NTN4: variants seen among roughly 807,000 people sequenced by gnomAD.
NTN4 encodes the protein netrin 4.
Under a neutral mutation model 73.6 loss-of-function variants are expected in NTN4, and 32 were observed. That is an observed-to-expected ratio of 0.44 (90% CI 0.33 to 0.58). The LOEUF (loss-of-function observed/expected upper bound fraction) is 0.58, where lower values mean the gene tolerates loss of function less well. Ranked by LOEUF, NTN4 falls within the 20% of genes least tolerant of loss-of-function variation. The pLI is 0.04. For synonymous variants in NTN4, 258 were observed against 287.5 expected (o/e 0.90, Z 1.04); for missense variants, 654 against 798.3 (o/e 0.82, Z 2.18).
chr12:95,689,346 A>C (rs539391838), intron 5 of NTN4, among the ~76,000 whole-genome samples: 2 of 152,326 alleles, frequency 1.3e-5, no homozygotes, highest in South Asian at 4.1e-4. Flanking sequence ...CTACTTTTCC[A>C]GTCCTTCCTC....
chr12:95,681,074 A>G (rs1394238328), intron 7 of NTN4, among the ~76,000 whole-genome samples: 2 of 151,794 alleles, frequency 1.3e-5, no homozygotes, highest in East Asian at 3.9e-4. Flanking sequence ...CTGTAATCAC[A>G]GCTATTTGGG....
intron 7 of NTN4, chr12:95,673,238 C>G (rs2078247928): frequency 2.5e-6 from 1 of 398,260 alleles, no homozygotes; most frequent in Non-Finnish European, 4.8e-6. Context: ...TTGTCTCCTG[C>G]ACCCACTCCC....
rs557973212 is a variant in NTN4 at position 95,682,057 on chromosome 12, C to CTTTTTTTTTTTTTTTTTTTTTTTTTTT, written c.1510+649_1510+650insAAAAAAAAAAAAAAAAAAAAAAAAAAA. Among the ~76,000 whole-genome samples the CTTTTTTTTTTTTTTTTTTTTTTTTTTT allele has an allele frequency of 3.1e-5, 2 of 64,546 alleles. 1 individual carries two copies. The highest frequency in any genetic ancestry group is 1.4e-4 in the African/African-American group (2 of 14,640). 42.3% of individuals were successfully genotyped at this position (64,546 alleles called of 152,430 possible). A position where few individuals can be genotyped will look rare whatever the true frequency, so the allele number is the denominator to read the frequency against. On this transcript the variant is annotated intron_variant, in intron 7 of 9. Coordinates refer to ENST00000343702, the MANE Select transcript of NTN4 (RefSeq NM_021229.4). ...TTCCAAACCTAATATATTCAGTAGG[C>CTTTTTTTTTTTTTTTTTTTTTTTTTTT]TTTTTTTTTTTTTTTTTTTTTTTGA...
intron 2 of NTN4, among the ~76,000 whole-genome samples, chr12:95,774,015 C>T (rs2079074726): frequency 6.6e-6 from 1 of 152,092 alleles, no homozygotes; most frequent in South Asian, 2.1e-4. Context: ...ACACTAAGTG[C>T]AAAGAGCCTT....
chr12:95,789,468 A>G lies in NTN4; in HGVS notation c.55+787T>C, dbSNP rs2079192113. 6.6e-6 allele frequency among the ~76,000 whole-genome samples: 1 copy of G among 152,060 alleles called. No individual in the cohort carries two copies. Among genetic ancestry groups the G allele is most frequent in the Admixed American group, 6.6e-5 (1 of 15,260 alleles). On this transcript the variant is annotated intron_variant, in intron 1 of 9. Transcript: ENST00000343702. This position sits in a 1 kb window ranked among gnomAD's most constrained non-coding sequence, Gnocchi z 4.0. Reference sequence around the variant, plus strand: ...GTGACCCGCAAGAGGGAGGGAGAGGAGCAGAAGGGGCTCCCGAATACAGAA... The same window carrying G: ...GTGACCCGCAAGAGGGAGGGAGAGGGGCAGAAGGGGCTCCCGAATACAGAA...
rs376001848 is a variant in NTN4, at chr12:95,713,028, A to G, written c.991+184T>C. Among the ~76,000 whole-genome samples, 632 of 152,170 alleles carry G rather than the reference A, an allele frequency of 4.2e-3. 3 individuals carry two copies. The highest frequency in any genetic ancestry group is 0.015 in the African/African-American group (611 of 41,500). ...TCTTGGCAAAACAGTCACATTGGCA[A>G]TGTAATGAACGGCAACTGTTTTCAG... On this transcript the variant is annotated intron_variant, in intron 4 of 9. Transcript: ENST00000343702.
chr12:95,747,182 AAAAAG>A (rs150763523), intron 2 of NTN4, among the ~76,000 whole-genome samples: 52,255 of 151,782 alleles, frequency 0.34, 9,181 homozygotes, highest in African/African-American at 0.39. Flanking sequence ...GAAAAATTTG[AAAAAG>A]AAAATATAAG....
chr12:95,737,765 G>A, intron 3 of NTN4, 101 bp downstream of exon 3: 1 of 1,179,326 alleles, frequency 8.5e-7, no homozygotes, highest in Non-Finnish European at 1.2e-6. Context: ...ATGGGCAGAG[G>A]AAAAAATCAG....
intron 3 of NTN4, among the ~76,000 whole-genome samples, chr12:95,729,831 A>G (rs4128893): frequency 0.37 from 56,641 of 152,052 alleles, 12,487 homozygotes; most frequent in Non-Finnish European, 0.5. Context: ...ATGAAATACC[A>G]TGGAGACACG....
intron 2 of NTN4, among the ~76,000 whole-genome samples, chr12:95,759,683 A>T (rs555816264): frequency 8.5e-4 from 130 of 152,120 alleles, no homozygotes; most frequent in African/African-American, 2.9e-3. Context: ...GCTGGTCTGG[A>T]ACTCCTGACC....
At chr12:95,738,256 A>G in intron 2 of NTN4, 112 bp from the exon 3 acceptor site, 1 of 1,043,572 alleles carries the variant, frequency 9.6e-7, no homozygotes, top group Non-Finnish European at 1.4e-6. Flanking sequence ...GTGAACGATA[A>G]GATAACAAGA....
At chr12:95,722,600 G>A (rs568807723) in intron 3 of NTN4, among the ~76,000 whole-genome samples, 1 of 152,244 alleles carries the variant, frequency 6.6e-6, no homozygotes, top group East Asian at 1.9e-4. Flanking sequence ...AATCCAGCCT[G>A]GGCCAGAGCC....
At chr12:95,660,452 A>T (rs1014667316) in intron 9 of NTN4, among the ~76,000 whole-genome samples, 12 of 148,442 alleles carry the variant, frequency 8.1e-5, no homozygotes, top group East Asian at 7.8e-4. Context: ...GTCATACATT[A>T]AAAAAAAAAC....
At chr12:95,708,551 C>T (rs954517305) in intron 5 of NTN4, among the ~76,000 whole-genome samples, 1 of 151,904 alleles carries the variant, frequency 6.6e-6, no homozygotes, top group African/African-American at 2.4e-5. Context: ...GCCACTGCGC[C>T]CAGCCTCTTT....
intron 2 of NTN4, among the ~76,000 whole-genome samples, chr12:95,756,703 CT>C (rs879704921): frequency 1.4e-4 from 22 of 151,984 alleles, no homozygotes; most frequent in Admixed American, 9.2e-4. Flanking sequence ...TATGATCTCT[CT>C]TTTTTTTCCC....
At position 95,665,678 on chromosome 12, in the gene NTN4, C is replaced by T. The variant is rs533522645; in HGVS notation, c.1750+132G>A. 124 of 600,548 alleles carry T rather than the reference C, an allele frequency of 2.1e-4. 2 individuals are homozygous for T. The highest frequency in any genetic ancestry group is 1.7e-3 in the African/African-American group (92 of 53,004). 37.2% of individuals were successfully genotyped at this position (600,548 alleles called of 1,614,324 possible). On this transcript the variant is annotated intron_variant, in intron 9 of 9. Transcript: ENST00000343702. Reference sequence around the variant, plus strand: ...TTCAAAGAATTCCATTTGGATTTTCCGCAGGAGTCAGATGGTGAAAGGGAG... The same window carrying T: ...TTCAAAGAATTCCATTTGGATTTTCTGCAGGAGTCAGATGGTGAAAGGGAG...
At chr12:95,709,879 C>A (rs573990213) in intron 5 of NTN4, among the ~76,000 whole-genome samples, 1 of 152,228 alleles carries the variant, frequency 6.6e-6, no homozygotes, top group Admixed American at 6.5e-5. Flanking sequence ...AAAGCAGAAC[C>A]CATGCTATAA....
rs35575824 is a variant in NTN4, at chr12:95,732,396, C to CTTT, written c.864+5467_864+5469dup. Among the ~76,000 whole-genome samples, 282 of 112,800 alleles carry CTTT rather than the reference C, an allele frequency of 2.5e-3. 5 individuals carry two copies. The highest frequency in any genetic ancestry group is 7.7e-3 in the African/African-American group (215 of 27,980). 74.0% of individuals were successfully genotyped at this position (112,800 alleles called of 152,430 possible). On this transcript the variant is annotated intron_variant, in intron 3 of 9. Coordinates refer to ENST00000343702, the MANE Select transcript of NTN4 (RefSeq NM_021229.4). ...TTCTTTTCTCTCTCTCTTTCTTCCT[C>CTTT]TTTTTTTTTTTTTTTTTTTTTTCCA... is the stretch of plus-strand genomic sequence containing the variant.
intron 2 of NTN4, among the ~76,000 whole-genome samples, chr12:95,752,200 G>A (rs902942262): frequency 4.0e-5 from 6 of 151,550 alleles, no homozygotes; most frequent in African/African-American, 7.3e-5. Flanking sequence ...GTTATCACTC[G>A]CCTGCTACAG....
Sources: gnomAD v4.1 joint callset for allele counts (sites outside exome capture counted in the v4.1 genomes callset) on GRCh38, gnomAD v4.1.1 for gene constraint, Gnocchi (gnomAD v3.1) non-coding constraint, MANE v1.5 for transcripts, NCBI Gene and HGNC (gene_info 2026-07-23, HGNC 2026-07-21) for gene names.